The following DIAPH2 variants were observed in gnomAD, a reference collection of about 807,000 sequenced individuals.
DIAPH2 encodes the protein diaphanous related formin 2, also known as protein diaphanous homolog 2.
A neutral mutation model predicts 92.7 loss-of-function variants in DIAPH2; 35 were observed. The observed-to-expected ratio is 0.38, with a 90% CI of 0.29 to 0.50. DIAPH2 has a LOEUF of 0.50. DIAPH2 is among the 20% of genes least tolerant of loss of function. The probability of loss-of-function intolerance (pLI) is 0.94; values close to 1 mark genes in which losing one functional copy is unlikely to be tolerated. For synonymous variants in DIAPH2, 301 were observed against 280.4 expected, an observed-to-expected ratio of 1.07 and a Z score of -0.73; for missense variants, 701 against 819.5, an observed-to-expected ratio of 0.86 and a Z score of 1.77.
intron 26 of DIAPH2, among the ~76,000 whole-genome samples, chrX:97,432,123 A>G (rs941330702): frequency 2.7e-5 from 3 of 111,835 alleles, no homozygotes; most frequent in African/African-American, 9.7e-5. Flanking sequence ...AAAGTAAAAT[A>G]AAAGGAAAAT....
intron 23 of DIAPH2, among the ~76,000 whole-genome samples, chrX:97,327,475 C>T (rs1602510926): frequency 9.0e-6 from 1 of 111,571 alleles, no homozygotes; most frequent in Non-Finnish European, 1.9e-5. Flanking sequence ...CTCTGTCGCC[C>T]AGGCTGGATT....
At chrX:96,790,724 TA>T (rs1011954050) in intron 4 of DIAPH2, among the ~76,000 whole-genome samples, 1 of 111,096 alleles carries the variant, frequency 9.0e-6, no homozygotes, top group East Asian at 2.8e-4. Flanking sequence ...TTTGAAAATT[TA>T]AAAAAAATGA....
intron 23 of DIAPH2, among the ~76,000 whole-genome samples, chrX:97,277,089 C>T (rs1441723488): frequency 2.7e-5 from 3 of 112,405 alleles, no homozygotes; most frequent in African/African-American, 9.7e-5. Flanking sequence ...GTAATCCCAG[C>T]ACTTTGGGAG....
chrX:96,937,432 G>T, intron 11 of DIAPH2, 81 bp downstream of exon 11: 1 of 564,330 alleles, frequency 1.8e-6, no homozygotes, highest in Non-Finnish European at 2.7e-6. Context: ...AACATTATTA[G>T]AGTTCTTGTC....
At position 96,973,960 on chromosome X, in the gene DIAPH2, G is replaced by T. The variant is rs113985746; in HGVS notation, c.2050+8753G>T. Among the ~76,000 whole-genome samples, 938 of 111,754 alleles carry T rather than the reference G, an allele frequency of 8.4e-3. 8 individuals carry two copies. The highest frequency in any genetic ancestry group is 0.029 in the African/African-American group (896 of 30,769). ...TCCGCCCTCCTCATCCTCCCAAAGT[G>T]CTGGGATTACAGGCGTGTGCCACCG... On this transcript the variant is annotated intron_variant, in intron 17 of 26. Transcript: ENST00000324765.
intron 23 of DIAPH2, among the ~76,000 whole-genome samples, chrX:97,263,900 T>TTTTATGTATTTA (rs1556013137): frequency 8.5e-5 from 8 of 93,992 alleles, no homozygotes. Context: ...ACTGTTAGTT[T>TTTTATGTATTTA]TTTATTTATT....
intron 1 of DIAPH2, among the ~76,000 whole-genome samples, chrX:96,715,586 G>T (rs1243360518): frequency 1.8e-5 from 2 of 111,626 alleles, no homozygotes; most frequent in Admixed American, 1.9e-4. Context: ...TTCACCATTG[G>T]AGTTACATAG....
At chrX:97,145,819 A>G (rs752508818) in intron 22 of DIAPH2, among the ~76,000 whole-genome samples, 9 of 109,623 alleles carry the variant, frequency 8.2e-5, no homozygotes, top group Non-Finnish European at 1.5e-4. Context: ...ATTTCCTCCT[A>G]GTTCTCATTT....
At chrX:97,343,316 G>C (rs1408664534) in intron 23 of DIAPH2, among the ~76,000 whole-genome samples, 2 of 111,532 alleles carry the variant, frequency 1.8e-5, no homozygotes, top group African/African-American at 6.5e-5. Context: ...AAATCAACTA[G>C]ACAGAGAATG....
At chrX:97,416,225 G>A (rs1025789726) in intron 25 of DIAPH2, among the ~76,000 whole-genome samples, 3 of 111,898 alleles carry the variant, frequency 2.7e-5, no homozygotes, top group Admixed American at 9.5e-5. Flanking sequence ...TTACAATATT[G>A]AGTTATGATA....
intron 23 of DIAPH2, among the ~76,000 whole-genome samples, chrX:97,300,523 G>C (rs1465211126): frequency 2.8e-5 from 3 of 108,248 alleles, no homozygotes; most frequent in Admixed American, 2.0e-4. Flanking sequence ...ATTCAGTGAC[G>C]CTTTCCAACT....
intron 22 of DIAPH2, among the ~76,000 whole-genome samples, chrX:97,208,156 G>A (rs746134264): frequency 8.9e-6 from 1 of 111,836 alleles, no homozygotes; most frequent in Admixed American, 9.5e-5. Flanking sequence ...AGAAAGAAAA[G>A]TGAATCAGCA....
At chrX:96,917,252 T>C in intron 8 of DIAPH2, among the ~76,000 whole-genome samples, 1 of 111,226 alleles carries the variant, frequency 9.0e-6, no homozygotes, top group East Asian at 2.8e-4. Context: ...AAATATTTCC[T>C]TGGAACACTT....
intron 15 of DIAPH2, among the ~76,000 whole-genome samples, chrX:96,952,316 G>T (rs1475543565): frequency 8.9e-6 from 1 of 111,795 alleles, no homozygotes; most frequent in East Asian, 2.8e-4. Flanking sequence ...AAAAACTAGT[G>T]TGAGTGAATA....
Position 96,725,042 on chromosome X carries a change from C to T in DIAPH2, c.133-10716C>T, listed in dbSNP as rs1036294422. 9.9e-5 allele frequency among the ~76,000 whole-genome samples: 11 copies of T among 111,585 alleles called. 1 individual carries two copies. In the South Asian group the frequency reaches 2.6e-3, roughly 27 times the overall value. On this transcript the variant is annotated intron_variant, in intron 1 of 26. Transcript: ENST00000324765. ...TATTTAAATACAGCGAAGAGTCCGT[C>T]GTGAGAAACACAACAGAGTAGGAGA...
intron 17 of DIAPH2, among the ~76,000 whole-genome samples, chrX:96,996,764 T>C (rs1021628241): frequency 8.9e-6 from 1 of 111,750 alleles, no homozygotes; most frequent in African/African-American, 3.3e-5. Context: ...GCCATGCATT[T>C]GGATGAGATG....
chrX:97,144,204 GC>G (rs1207346465), intron 22 of DIAPH2, among the ~76,000 whole-genome samples: 1 of 110,968 alleles, frequency 9.0e-6, no homozygotes, highest in Non-Finnish European at 1.9e-5. Context: ...TTAAAAATTA[GC>G]CAGTTTCATG....
At chrX:97,215,387 A>G (rs777567662) in intron 22 of DIAPH2, among the ~76,000 whole-genome samples, 1 of 112,141 alleles carries the variant, frequency 8.9e-6, no homozygotes, top group Non-Finnish European at 1.9e-5. Context: ...CATGTACACT[A>G]AGAAGGAAAT....
intron 15 of DIAPH2, among the ~76,000 whole-genome samples, chrX:96,950,170 T>C (rs1394645482): frequency 1.8e-5 from 2 of 111,497 alleles, no homozygotes; most frequent in African/African-American, 6.5e-5. Flanking sequence ...TATTTTTTCA[T>C]CCTCAAATGG....
Sources: allele counts gnomAD v4.1 joint callset (sites outside exome capture counted in the v4.1 genomes callset), GRCh38; gene constraint gnomAD v4.1.1; transcripts MANE v1.5; gene names NCBI Gene and HGNC (gene_info 2026-07-23, HGNC 2026-07-21).